INSC: variants seen among roughly 807,000 people sequenced by gnomAD.
INSC encodes the protein protein inscuteable homolog.
In INSC, 67 loss-of-function variants were observed where a neutral mutation model predicts 58.6. The ratio of observed to expected loss-of-function variants is 1.14; its 90% CI spans 0.94 to 1.40. INSC has a LOEUF of 1.40. Among genes scored for constraint, INSC ranks in the 40% most tolerant of loss-of-function variants. The pLI is 0.00. For missense variants in INSC, 714 were observed against 692.0 expected, an observed-to-expected ratio of 1.03 and a Z score of -0.36; for synonymous variants, 262 against 276.1, an observed-to-expected ratio of 0.95 and a Z score of 0.51.
chr11:15,211,845 T>C (rs573990396), intron 7 of INSC, among the ~76,000 whole-genome samples: 67 of 151,882 alleles, frequency 4.4e-4, no homozygotes, highest in African/African-American at 1.5e-3. Flanking sequence ...CATGCATGAG[T>C]CTGTTTCTGG....
chr11:15,227,663 A>G (rs972802664), intron 9 of INSC, among the ~76,000 whole-genome samples: 1 of 152,142 alleles, frequency 6.6e-6, no homozygotes, highest in Admixed American at 6.5e-5. Flanking sequence ...CTGGTTGGCT[A>G]TTGGCTTGAT....
chr11:15,241,007 A>G (rs1389995731), intron 12 of INSC, among the ~76,000 whole-genome samples: 2 of 152,202 alleles, frequency 1.3e-5, no homozygotes, highest in African/African-American at 4.8e-5. Context: ...AAGGAACATG[A>G]CAAGACAGAG....
At chr11:15,161,609 G>T (rs554022866) in intron 2 of INSC, among the ~76,000 whole-genome samples, 12 of 152,350 alleles carry the variant, frequency 7.9e-5, no homozygotes, top group Non-Finnish European at 1.5e-4. Context: ...AGATGGGTCA[G>T]TGGCAAGTTA....
At chr11:15,184,499 GAT>G (rs1474530812) in intron 5 of INSC, 1 of 157,130 alleles carries the variant, frequency 6.4e-6, no homozygotes, top group Admixed American at 6.5e-5. Context: ...GGGTTCAAGT[GAT>G]TCCCCTGCCT....
At chr11:15,213,796 C>T (rs1009024615) in intron 7 of INSC, among the ~76,000 whole-genome samples, 2 of 152,060 alleles carry the variant, frequency 1.3e-5, no homozygotes, top group South Asian at 4.1e-4. Context: ...TTCCATTTAA[C>T]TTTTAACTAA....
At chr11:15,238,174 G>C (rs560864070) in intron 10 of INSC, among the ~76,000 whole-genome samples, 2 of 152,178 alleles carry the variant, frequency 1.3e-5, no homozygotes, top group East Asian at 3.9e-4. Flanking sequence ...AAGGAGGTAT[G>C]AGCGGACATG....
chr11:15,154,108 T>A lies in INSC; in HGVS notation c.56+4878T>A, dbSNP rs911384464. ...AACAATTTATGTATATGTCATCTTT[T>A]CTGCTCAAGGATAAATGTTCTAAGG... On this transcript the variant is annotated intron_variant, in intron 2 of 12. Transcript: ENST00000379556. Among the ~76,000 whole-genome samples the A allele has an allele frequency of 2.6e-5, 4 of 152,266 alleles. No individual in the cohort carries two copies. The East Asian group carries it at 7.7e-4, about 29-fold the overall frequency.
intron 2 of INSC, among the ~76,000 whole-genome samples, chr11:15,151,833 T>C (rs1415049907): frequency 6.6e-6 from 1 of 152,112 alleles, no homozygotes; most frequent in Non-Finnish European, 1.5e-5. Context: ...CAGGGCTGGG[T>C]CCAGATGTCC....
intron 2 of INSC, among the ~76,000 whole-genome samples, chr11:15,160,142 G>T (rs1848965357): frequency 2.6e-5 from 4 of 152,176 alleles, no homozygotes; most frequent in African/African-American, 9.7e-5. Context: ...AAACAATTGA[G>T]ACCAGTATAG....
At chr11:15,180,053 G>A (rs1332291097) in intron 5 of INSC, among the ~76,000 whole-genome samples, 1 of 152,128 alleles carries the variant, frequency 6.6e-6, no homozygotes, top group Non-Finnish European at 1.5e-5. Flanking sequence ...TCAGGAGATC[G>A]AAACCATCCT....
intron 11 of INSC, among the ~76,000 whole-genome samples, chr11:15,239,335 C>A (rs1373726354): frequency 6.6e-6 from 1 of 152,182 alleles, no homozygotes; most frequent in Non-Finnish European, 1.5e-5. Context: ...TTAATAAGAA[C>A]CCCATTCTTT....
intron 1 of INSC, among the ~76,000 whole-genome samples, chr11:15,129,128 T>G (rs1345110594): frequency 1.3e-5 from 2 of 152,176 alleles, no homozygotes; most frequent in African/African-American, 4.8e-5. Context: ...ACTGGACATT[T>G]TCTGCCTCCC....
At chr11:15,151,401 C>T (rs1299812104) in intron 2 of INSC, among the ~76,000 whole-genome samples, 1 of 152,148 alleles carries the variant, frequency 6.6e-6, no homozygotes, top group Non-Finnish European at 1.5e-5. Context: ...GTATAAATAA[C>T]AGTAATAATC....
At chr11:15,185,778 A>G (rs1290012285) in intron 5 of INSC, among the ~76,000 whole-genome samples, 1 of 152,204 alleles carries the variant, frequency 6.6e-6, no homozygotes, top group African/African-American at 2.4e-5. Context: ...TACATTTGCA[A>G]GAGTGATGTA....
chr11:15,157,846 C>T (rs1029110225), intron 2 of INSC, among the ~76,000 whole-genome samples: 5 of 152,118 alleles, frequency 3.3e-5, no homozygotes, highest in Admixed American at 6.5e-5. Flanking sequence ...GGGCCCCCTT[C>T]GATGGGCCCC....
chr11:15,165,228 C>T (rs998839400), intron 2 of INSC, among the ~76,000 whole-genome samples: 2 of 152,192 alleles, frequency 1.3e-5, no homozygotes, highest in Middle Eastern at 3.4e-3. Flanking sequence ...AAAATATGCG[C>T]CACCACTGCC....
chr11:15,136,892 T>C (rs1848257221), intron 1 of INSC, among the ~76,000 whole-genome samples: 1 of 152,198 alleles, frequency 6.6e-6, no homozygotes, highest in Non-Finnish European at 1.5e-5. Flanking sequence ...AGAATGGTAA[T>C]TGCTTTCTAA....
intron 5 of INSC, among the ~76,000 whole-genome samples, chr11:15,183,293 A>T (rs958812125): frequency 6.7e-6 from 1 of 149,984 alleles, no homozygotes. Context: ...GGAGGTTGCC[A>T]TGAGCCGAGA....
chr11:15,148,242 T>TA (rs1848544193), intron 1 of INSC, among the ~76,000 whole-genome samples: 1 of 152,186 alleles, frequency 6.6e-6, no homozygotes, highest in South Asian at 2.1e-4. Flanking sequence ...CAGACTGACT[T>TA]AAACGACAAG....
Sources: allele counts gnomAD v4.1 joint callset (sites outside exome capture counted in the v4.1 genomes callset), GRCh38; gene constraint gnomAD v4.1.1; transcripts MANE v1.5; gene names NCBI Gene and HGNC (gene_info 2026-07-23, HGNC 2026-07-21).